Variants in MYO18B observed in about 807,000 individuals in gnomAD.
The protein encoded by MYO18B is myosin XVIIIB.
In MYO18B, 204 loss-of-function variants were observed where a neutral mutation model predicts 273.0. The ratio of observed to expected loss-of-function variants is 0.75; its 90% CI spans 0.67 to 0.84. The LOEUF (loss-of-function observed/expected upper bound fraction) is 0.84. MYO18B is among the 40% of genes least tolerant of loss of function. The probability of loss-of-function intolerance (pLI) is 0.00; values close to 1 mark genes in which losing one functional copy is unlikely to be tolerated. For missense variants in MYO18B, 3,212 were observed against 3,287.6 expected (o/e 0.98, Z 0.56); for synonymous variants, 1,330 against 1,305.7 (o/e 1.02, Z -0.40).
Position 25,777,615 on chromosome 22 carries a change from C to G in MYO18B, c.1902C>G (p.Ala634=). The G allele has an allele frequency of 6.2e-7, 1 of 1,603,722 alleles. No homozygotes were observed. ...AGGGCCGCCGGGATGGCCTGCCTGCCCACATTGGCTCCATGGCACAGCGGG... is the reference window on the plus strand; with the variant it reads ...AGGGCCGCCGGGATGGCCTGCCTGCGCACATTGGCTCCATGGCACAGCGGG... ...VPKGRRDGLP[A]HIGSMAQRAY... Residue 634 remains alanine (A), a synonymous_variant, in exon 8 of 44, where the codon GCC becomes GCG. Coordinates refer to ENST00000335473, the MANE Select transcript of MYO18B (RefSeq NM_032608.7).
rs567835320 is a variant in MYO18B at position 25,792,563 on chromosome 22, C to T, written c.2377-5390C>T. Among the ~76,000 whole-genome samples, 7 of 141,552 alleles carry T rather than the reference C, an allele frequency of 4.9e-5. No individual in the cohort carries two copies. In the South Asian group the frequency reaches 1.1e-3, roughly 22 times the overall value. 92.9% of individuals were successfully genotyped at this position (141,552 alleles called of 152,430 possible). On this transcript the variant is annotated intron_variant, in intron 11 of 43. Transcript: ENST00000335473. ...AGGCTGGAGTGCAATGGCGCGGTCT[C>T]GGCTCACTGCAACCTCCACCTCCTG...
At chr22:25,920,269 G>A (rs1332799661) in intron 33 of MYO18B, among the ~76,000 whole-genome samples, 2 of 152,146 alleles carry the variant, frequency 1.3e-5, no homozygotes, top group African/African-American at 4.8e-5. Flanking sequence ...GTATTGTATC[G>A]TCTGGTCTCC....
rs117400582 is a variant in MYO18B, at chr22:25,851,107, G to A, written c.3776-363G>A. Among the ~76,000 whole-genome samples the A allele has an allele frequency of 5.2e-4, 79 of 152,290 alleles. No individual in the cohort carries two copies. The East Asian group carries it at 0.013, about 26-fold the overall frequency. On this transcript the variant is annotated intron_variant, in intron 20 of 43. Coordinates refer to ENST00000335473, the MANE Select transcript of MYO18B (RefSeq NM_032608.7). Reference sequence around the variant, plus strand: ...CGGGTTTGGGAACCTCTGGGCTAACGTTGGGAAACTCAAGGCTTATCAGGC... The same window carrying A: ...CGGGTTTGGGAACCTCTGGGCTAACATTGGGAAACTCAAGGCTTATCAGGC...
intron 39 of MYO18B, among the ~76,000 whole-genome samples, chr22:25,967,072 C>A (rs1244142728): frequency 6.6e-6 from 1 of 152,192 alleles, no homozygotes; most frequent in African/African-American, 2.4e-5. Context: ...ATACCAATTA[C>A]AAATAATGCG....
At chr22:26,002,934 G>A (rs1650763799) in intron 40 of MYO18B, among the ~76,000 whole-genome samples, 1 of 152,160 alleles carries the variant, frequency 6.6e-6, no homozygotes. Flanking sequence ...CAATAACAAT[G>A]CTATTAATAA....
chr22:25,882,208 G>A (rs695407), intron 25 of MYO18B, among the ~76,000 whole-genome samples: 99,316 of 151,940 alleles, frequency 0.65, 33,012 homozygotes, highest in East Asian at 0.85. Context: ...ATCCCTGTTC[G>A]TCAAATAATC....
Position 25,769,201 on chromosome 22 carries a change from C to T in MYO18B, c.1285C>T (p.Pro429Ser). 1.2e-6 allele frequency: 2 copies of T among 1,607,804 alleles called. No homozygotes were observed. Among genetic ancestry groups the T allele is most frequent in the Non-Finnish European group, 1.7e-6 (2 of 1,177,298 alleles). Residue 429 changes from proline (P) to serine (S), a missense_variant, in exon 4 of 44, where the codon CCA becomes TCA. Transcript: ENST00000335473. ...GGAGGTGAGCACAATGGTGGAGTCG[C>T]CAGCAGCTCCTGGGAAGGGAGGCTG... ...PKEVSTMVESPAAPGKGGWPG... is the reference protein window; with the variant it reads ...PKEVSTMVESSAAPGKGGWPG...
chr22:25,798,081 G>T lies in MYO18B; in HGVS notation c.2505G>T (p.Ala835=). The stretch of plus-strand genomic sequence containing the variant: ...TGGCAGCCATCTACCACCTGGGTGC[G>T]GCGGGGGCCTGCAAAGGTACGTCCT... ...RVLAAIYHLG[A]AGACKVGRKQ... The change falls in exon 12 of 44, where the codon GCG becomes GCT. Residue 835 remains alanine, a synonymous_variant. Transcript: ENST00000335473. 6.2e-7 allele frequency: 1 copy of T among 1,608,248 alleles called. No individual in the cohort carries two copies. The highest frequency in any genetic ancestry group is 8.5e-7 in the Non-Finnish European group (1 of 1,175,390).
chr22:25,792,596 G>T (rs2087728004), intron 11 of MYO18B, among the ~76,000 whole-genome samples: 1 of 148,806 alleles, frequency 6.7e-6, no homozygotes, highest in Admixed American at 6.8e-5. Context: ...CTGGGTTCAA[G>T]CCATTCGCCT....
chr22:25,768,147 C>G lies in MYO18B; in HGVS notation c.231C>G (p.Ser77Arg), dbSNP rs1214676877. 1 of 1,605,922 alleles carries G rather than the reference C, an allele frequency of 6.2e-7. No individual in the cohort carries two copies. The highest frequency in any genetic ancestry group is 8.5e-7 in the Non-Finnish European group (1 of 1,175,330). Residue 77 changes from serine to arginine, a missense_variant, in exon 4 of 44, where the codon AGC (serine) becomes AGG (arginine). By Grantham distance (110) the Ser-to-Arg change is moderately radical. Transcript: ENST00000335473. ...IPEISISQPNSKSSSGTRSGS... is the reference protein window; with the variant it reads ...IPEISISQPNRKSSSGTRSGS... ...AAATTTCCATCAGCCAACCCAACAG[C>G]AAGTCCAGCAGTGGCACCAGATCTG...
chr22:25,823,215 A>G (rs1053722246), intron 12 of MYO18B, among the ~76,000 whole-genome samples: 3 of 152,154 alleles, frequency 2.0e-5, no homozygotes, highest in African/African-American at 4.8e-5. Context: ...AATTTTACCA[A>G]CCATCCCCCA....
chr22:25,850,267 AG>A (rs2146039382), intron 20 of MYO18B, among the ~76,000 whole-genome samples: 1 of 152,212 alleles, frequency 6.6e-6, no homozygotes, highest in African/African-American at 2.4e-5. Context: ...TAAGCAGTTG[AG>A]GCTCTTCTTG....
Position 25,774,603 on chromosome 22 carries a change from C to T in MYO18B, c.1869+2093C>T, listed in dbSNP as rs150301643. Among the ~76,000 whole-genome samples the T allele has an allele frequency of 3.3e-3, 509 of 152,336 alleles. 1 individual carries two copies. Among genetic ancestry groups the T allele is most frequent in the African/African-American group, 0.012 (484 of 41,584 alleles). On this transcript the variant is annotated intron_variant, in intron 7 of 43. Coordinates refer to ENST00000335473, the MANE Select transcript of MYO18B (RefSeq NM_032608.7). ...GGGTGCGGCACTGGTCCGCACCCTT[C>T]CCTCAAGTCTTCCAGCCTCCCACAC... is the stretch of plus-strand genomic sequence containing the variant.
At position 25,955,356 on chromosome 22, in the gene MYO18B, A is replaced by G; in HGVS notation, c.6148A>G (p.Met2050Val). ...QREAEASRRC[M>V]ELEKYVEELA... is the part of the protein sequence containing the mutation. ...GGAGGCAGAGGCCAGCCGGCGGTGC[A>G]TGGAGCTGGTGAGTCCTGTCCCCAT... Residue 2050 changes from methionine to valine, a missense_variant, in exon 39 of 44, where the codon ATG becomes GTG. Physicochemically the swap from Met to Val is conservative, Grantham distance 21. Transcript: ENST00000335473. 1 of 1,612,842 alleles carries G rather than the reference A, an allele frequency of 6.2e-7. No homozygotes were observed. The highest frequency in any genetic ancestry group is 1.3e-5 in the African/African-American group (1 of 75,016).
chr22:25,814,527 C>T (rs1438075866), intron 12 of MYO18B, among the ~76,000 whole-genome samples: 2 of 151,918 alleles, frequency 1.3e-5, no homozygotes, highest in African/African-American at 4.8e-5. Context: ...TCTTATTTTA[C>T]AGATGAAGAA....
Position 25,874,391 on chromosome 22 carries a change from C to T in MYO18B, c.4057C>T (p.Arg1353Cys), listed in dbSNP as rs780340364. ...GGCGGCTTGCAAGGGCTTTCTGTCT[C>T]GCCAGGAATTCAAGAAGCTGAAGGT... is the stretch of plus-strand genomic sequence containing the variant. ...FQAACKGFLSRQEFKKLKIRR... is the reference protein window; with the variant it reads ...FQAACKGFLSCQEFKKLKIRR... The change falls in exon 23 of 44, where the codon CGC (arginine) becomes TGC (cysteine). Residue 1353 changes from arginine (R) to cysteine (C), a missense_variant. Arg to Cys is a radical substitution (Grantham distance 180, BLOSUM62 -3). Coordinates refer to ENST00000335473, the MANE Select transcript of MYO18B (RefSeq NM_032608.7). 2.4e-5 allele frequency: 38 copies of T among 1,613,742 alleles called. No individual in the cohort carries two copies. The highest frequency in any genetic ancestry group is 3.3e-5 in the South Asian group (3 of 91,068).
intron 21 of MYO18B, among the ~76,000 whole-genome samples, chr22:25,857,240 T>C (rs1036281305): frequency 1.3e-5 from 2 of 152,166 alleles, no homozygotes; most frequent in African/African-American, 4.8e-5. Context: ...TCCCTTCCAT[T>C]TTTCTGCTGC....
intron 39 of MYO18B, among the ~76,000 whole-genome samples, chr22:25,972,995 C>T (rs2093051936): frequency 6.6e-6 from 1 of 151,614 alleles, no homozygotes; most frequent in Non-Finnish European, 1.5e-5. Context: ...GATCTCCTCC[C>T]ATGCAGATCT....
Position 25,769,291 on chromosome 22 carries a change from C to A in MYO18B, c.1375C>A (p.Leu459Met). ...AAGAGCAGGTGATGGGGCTGGTGCC[C>A]TGGAGACAGAGCTGGAAGGACCCAG... is the stretch of plus-strand genomic sequence containing the variant. The part of the protein sequence containing the change: ...CSRAGDGAGA[L>M]ETELEGPSQP... Residue 459 changes from leucine to methionine, a missense_variant, in exon 4 of 44, where the codon CTG becomes ATG. By Grantham distance (15) the Leu-to-Met change is conservative. Transcript: ENST00000335473. 6.3e-7 allele frequency: 1 copy of A among 1,583,016 alleles called. No homozygotes were observed. Among genetic ancestry groups the A allele is most frequent in the Non-Finnish European group, 8.6e-7 (1 of 1,165,176 alleles).
Sources: allele counts gnomAD v4.1 joint callset (sites outside exome capture counted in the v4.1 genomes callset), GRCh38; gene constraint gnomAD v4.1.1; transcripts MANE v1.5; gene names NCBI Gene and HGNC (gene_info 2026-07-23, HGNC 2026-07-21).